CTCF: variants seen among roughly 807,000 people sequenced by gnomAD.
CTCF encodes transcriptional repressor CTCF.
In CTCF, 7 loss-of-function variants were observed where a neutral mutation model predicts 72.3. That is an observed-to-expected ratio of 0.10 (90% CI 0.06 to 0.18). CTCF has a LOEUF of 0.18. Among genes scored for constraint, CTCF ranks in the 10% least tolerant of loss-of-function variants. The probability of loss-of-function intolerance (pLI) is 1.00; values close to 1 mark genes in which losing one functional copy is unlikely to be tolerated. For missense variants in CTCF, 516 were observed against 949.1 expected, an observed-to-expected ratio of 0.54 and a Z score of 6.00; for synonymous variants, 374 against 315.8, an observed-to-expected ratio of 1.18 and a Z score of -1.95.
At chr16:67,609,194 C>T (rs373221520) in intron 2 of CTCF, among the ~76,000 whole-genome samples, 23 of 152,168 alleles carry the variant, frequency 1.5e-4, no homozygotes, top group African/African-American at 5.3e-4. Flanking sequence ...GGCAAGACCC[C>T]ATAATTGCAG....
chr16:67,580,905 C>T lies in CTCF; in HGVS notation c.-10+9641C>T, dbSNP rs151286448. Among the ~76,000 whole-genome samples, 943 of 148,008 alleles carry T rather than the reference C, an allele frequency of 6.4e-3. 8 individuals are homozygous for T. Among genetic ancestry groups the T allele is most frequent in the South Asian group, 0.031 (142 of 4,618 alleles). On this transcript the variant is annotated intron_variant, in intron 2 of 11. Coordinates refer to ENST00000264010, the MANE Select transcript of CTCF (RefSeq NM_006565.4). ...TGCTGGGATTACAGGCGTGAGCCAC[C>T]GCACCAGGATTTACTTATTTTTTAT...
At chr16:67,637,431 C>G (rs1230092950) in intron 11 of CTCF, among the ~76,000 whole-genome samples, 3 of 152,294 alleles carry the variant, frequency 2.0e-5, no homozygotes, top group Admixed American at 1.3e-4. Context: ...ACTCAGGAGG[C>G]TGAGGCAGGA....
At chr16:67,597,986 G>GT (rs996897661) in intron 2 of CTCF, among the ~76,000 whole-genome samples, 27 of 151,206 alleles carry the variant, frequency 1.8e-4, no homozygotes, top group Non-Finnish European at 1.9e-4. Flanking sequence ...GTTTTTCTTA[G>GT]TTTTTTTTTA....
chr16:67,585,997 C>G lies in CTCF; in HGVS notation c.-10+14733C>G, dbSNP rs2051664278. On this transcript the variant is annotated intron_variant, in intron 2 of 11. Coordinates refer to ENST00000264010, the MANE Select transcript of CTCF (RefSeq NM_006565.4). ...CCTCCACCCTACCCCCATGCAATTTCTTGGTTATGGTATTGCCTGCATTTT... is the reference window on the plus strand; with the variant it reads ...CCTCCACCCTACCCCCATGCAATTTGTTGGTTATGGTATTGCCTGCATTTT... Among the ~76,000 whole-genome samples the G allele has an allele frequency of 2.0e-5, 3 of 152,186 alleles. No individual in the cohort carries two copies. The South Asian group carries it at 6.2e-4, about 31-fold the overall frequency.
At chr16:67,600,366 G>A (rs1597703055) in intron 2 of CTCF, among the ~76,000 whole-genome samples, 1 of 151,954 alleles carries the variant, frequency 6.6e-6, no homozygotes, top group Admixed American at 6.6e-5. Context: ...AGCCTCCCAA[G>A]TAGCTGGGGT....
intron 1 of CTCF, among the ~76,000 whole-genome samples, 155 bp downstream of exon 1, chr16:67,562,879 AT>A (rs1414771646): frequency 6.9e-6 from 1 of 145,828 alleles, no homozygotes; most frequent in Non-Finnish European, 1.5e-5. Context: ...GGCCGCCGCC[AT>A]TGCCCGTCGC....
intron 2 of CTCF, among the ~76,000 whole-genome samples, chr16:67,593,671 A>G (rs1404180746): frequency 1.3e-5 from 2 of 152,118 alleles, no homozygotes; most frequent in African/African-American, 2.4e-5. Context: ...TAGAGCTGCT[A>G]ATGTATTTCT....
At chr16:67,597,796 T>G (rs1271755929) in intron 2 of CTCF, among the ~76,000 whole-genome samples, 1 of 152,198 alleles carries the variant, frequency 6.6e-6, no homozygotes, top group African/African-American at 2.4e-5. Flanking sequence ...TTTGCTAGGC[T>G]TTGTTTCTGG....
At chr16:67,621,642 A>G in intron 7 of CTCF, 51 bp downstream of exon 7, 1 of 1,349,962 alleles carries the variant, frequency 7.4e-7, no homozygotes, top group East Asian at 2.4e-5. Context: ...AAGGATTTAT[A>G]TTTCGAAATA....
chr16:67,575,904 T>C (rs2051489990), intron 2 of CTCF, among the ~76,000 whole-genome samples: 1 of 151,444 alleles, frequency 6.6e-6, no homozygotes, highest in South Asian at 2.1e-4. Context: ...AAACAAGGTC[T>C]CGTTGCATGT....
At chr16:67,625,503 C>G (rs764666394) in intron 7 of CTCF, among the ~76,000 whole-genome samples, 3 of 152,190 alleles carry the variant, frequency 2.0e-5, no homozygotes, top group Non-Finnish European at 2.9e-5. Flanking sequence ...CCTGCCAACT[C>G]TTAGACTTCT....
Position 67,605,239 on chromosome 16 carries a change from C to G in CTCF, c.-9-5585C>G, listed in dbSNP as rs570968436. On this transcript the variant is annotated intron_variant, in intron 2 of 11. Transcript: ENST00000264010. The stretch of plus-strand genomic sequence containing the variant: ...CCACCCGCCTTCGCCTCCCAAAGTG[C>G]TGGGATTACAGGCGTGAGCCACCAC... Among the ~76,000 whole-genome samples, 148 of 152,256 alleles carry G rather than the reference C, an allele frequency of 9.7e-4. 1 individual carries two copies. Among genetic ancestry groups the G allele is most frequent in the Non-Finnish European group, 1.7e-3 (119 of 68,026 alleles).
At chr16:67,623,615 A>G (rs2052233979) in intron 7 of CTCF, among the ~76,000 whole-genome samples, 1 of 151,676 alleles carries the variant, frequency 6.6e-6, no homozygotes, top group African/African-American at 2.4e-5. Flanking sequence ...AGCTTGGGTG[A>G]CAGAGAGACC....
chr16:67,563,040 T>G (rs2051298453), intron 1 of CTCF, among the ~76,000 whole-genome samples: 1 of 150,192 alleles, frequency 6.7e-6, no homozygotes, highest in Non-Finnish European at 1.5e-5. Context: ...TTGTCTGCCC[T>G]CGAGGCCGGT....
At chr16:67,632,346 GATT>G in intron 10 of CTCF, among the ~76,000 whole-genome samples, 1 of 152,188 alleles carries the variant, frequency 6.6e-6, no homozygotes, top group East Asian at 1.9e-4. Context: ...AGTCAAAAGA[GATT>G]ATTGATAGCT....
At chr16:67,581,442 C>T (rs1269504160) in intron 2 of CTCF, among the ~76,000 whole-genome samples, 1 of 151,952 alleles carries the variant, frequency 6.6e-6, no homozygotes, top group Non-Finnish European at 1.5e-5. Context: ...TGTGCCTTAG[C>T]CTCCCAAGTA....
chr16:67,564,853 A>G (rs952191199), intron 1 of CTCF, among the ~76,000 whole-genome samples: 3 of 152,156 alleles, frequency 2.0e-5, no homozygotes, highest in Non-Finnish European at 2.9e-5. Flanking sequence ...TACGTCATTT[A>G]TGCTGTTTTA....
chr16:67,564,889 T>G (rs1402559508), intron 1 of CTCF, among the ~76,000 whole-genome samples: 2 of 152,228 alleles, frequency 1.3e-5, no homozygotes, highest in African/African-American at 4.8e-5. Flanking sequence ...TCCACACAGT[T>G]GCTATCCTTT....
intron 10 of CTCF, among the ~76,000 whole-genome samples, chr16:67,630,230 T>G (rs899493453): frequency 6.6e-6 from 1 of 152,180 alleles, no homozygotes; most frequent in African/African-American, 2.4e-5. Context: ...GAGCAGTGAA[T>G]CTAATGGACA....
Sources: allele counts gnomAD v4.1 joint callset (sites outside exome capture counted in the v4.1 genomes callset), GRCh38; gene constraint gnomAD v4.1.1; transcripts MANE v1.5; gene names NCBI Gene and HGNC (gene_info 2026-07-23, HGNC 2026-07-21).